Variants in BRINP3 observed in about 807,000 individuals in gnomAD.
The protein encoded by BRINP3 is BMP/retinoic acid inducible neural specific 3.
Under a neutral mutation model 71.0 loss-of-function variants are expected in BRINP3, and 19 were observed. The ratio of observed to expected loss-of-function variants is 0.27; its 90% confidence interval spans 0.19 to 0.39. The LOEUF (loss-of-function observed/expected upper bound fraction) is 0.39, where lower values mean the gene tolerates loss of function less well. Ranked by LOEUF, BRINP3 falls within the 10% of genes least tolerant of loss-of-function variation. The pLI, the probability that BRINP3 is intolerant of heterozygous loss-of-function variation, is 1.00. For synonymous variants in BRINP3, 380 were observed against 337.7 expected (o/e 1.13, Z -1.37); for missense variants, 959 against 940.8 (o/e 1.02, Z -0.25).
intron 2 of BRINP3, among the ~76,000 whole-genome samples, chr1:190,332,902 A>T (rs1467762345): frequency 6.6e-6 from 1 of 151,778 alleles, no homozygotes; most frequent in Non-Finnish European, 1.5e-5. Flanking sequence ...CCAGTGATTT[A>T]TTTCACTTTT....
chr1:190,319,143 T>C (rs1666074301), intron 2 of BRINP3, among the ~76,000 whole-genome samples: 1 of 152,162 alleles, frequency 6.6e-6, no homozygotes, highest in Admixed American at 6.6e-5. Context: ...TCCTTACATG[T>C]GCCTGACTCA....
intron 1 of BRINP3, among the ~76,000 whole-genome samples, chr1:190,474,186 A>G (rs1171048): frequency 0.37 from 56,459 of 152,070 alleles, 11,779 homozygotes; most frequent in Non-Finnish European, 0.47. Flanking sequence ...TTTTTGTAAC[A>G]TGGCTACACA....
At chr1:190,173,487 T>G (rs138190600) in intron 6 of BRINP3, among the ~76,000 whole-genome samples, 2 of 152,306 alleles carry the variant, frequency 1.3e-5, no homozygotes, top group Non-Finnish European at 2.9e-5. Flanking sequence ...CTTCATCTCC[T>G]CACGCCCTTG....
At chr1:190,168,259 C>T (rs1345561199) in intron 6 of BRINP3, among the ~76,000 whole-genome samples, 1 of 151,974 alleles carries the variant, frequency 6.6e-6, no homozygotes, top group Non-Finnish European at 1.5e-5. Context: ...CAACAAAGGC[C>T]TGGTTTGAGT....
chr1:190,441,098 G>A (rs1208909679), intron 2 of BRINP3, among the ~76,000 whole-genome samples: 1 of 151,662 alleles, frequency 6.6e-6, no homozygotes, highest in African/African-American at 2.4e-5. Context: ...GAATGTTATG[G>A]CAACATTTGA....
At chr1:190,220,207 AAAG>A (rs1656756316) in intron 6 of BRINP3, among the ~76,000 whole-genome samples, 1 of 152,132 alleles carries the variant, frequency 6.6e-6, no homozygotes, top group South Asian at 2.1e-4. Flanking sequence ...CAGCAAGAGA[AAAG>A]AAGCAAAAAG....
chr1:190,259,373 G>T (rs780550376), intron 4 of BRINP3, among the ~76,000 whole-genome samples: 4 of 151,058 alleles, frequency 2.6e-5, no homozygotes, highest in Non-Finnish European at 4.4e-5. Context: ...CATGTAAATA[G>T]AATTAAAAAA....
At chr1:190,127,596 C>T (rs1654194404) in intron 7 of BRINP3, among the ~76,000 whole-genome samples, 1 of 151,878 alleles carries the variant, frequency 6.6e-6, no homozygotes, top group African/African-American at 2.4e-5. Context: ...TAGCTAAGCT[C>T]ACACATCAAA....
intron 2 of BRINP3, among the ~76,000 whole-genome samples, chr1:190,293,352 T>C (rs894525028): frequency 1.3e-4 from 20 of 152,318 alleles, no homozygotes; most frequent in Non-Finnish European, 1.3e-4. Context: ...TGTTACTGAT[T>C]TCTAGTTTTA....
intron 7 of BRINP3, among the ~76,000 whole-genome samples, chr1:190,114,979 G>C (rs935663902): frequency 1.3e-5 from 2 of 151,916 alleles, no homozygotes; most frequent in African/African-American, 4.8e-5. Context: ...TAAAATATCT[G>C]GCCACTGTAG....
chr1:190,247,413 A>G (rs181368592), intron 4 of BRINP3, among the ~76,000 whole-genome samples: 12 of 152,174 alleles, frequency 7.9e-5, no homozygotes, highest in Admixed American at 7.2e-4. Flanking sequence ...CAGTATTCCT[A>G]GCTATCAGAA....
intron 7 of BRINP3, among the ~76,000 whole-genome samples, chr1:190,114,341 AT>A (rs760665157): frequency 2.0e-5 from 3 of 151,896 alleles, no homozygotes; most frequent in Non-Finnish European, 4.4e-5. Context: ...TTTTCTTTAT[AT>A]TTTACCCAGT....
intron 6 of BRINP3, among the ~76,000 whole-genome samples, chr1:190,169,671 G>A (rs1448048672): frequency 6.6e-6 from 1 of 152,048 alleles, no homozygotes; most frequent in African/African-American, 2.4e-5. Flanking sequence ...TGCTACTTGA[G>A]TGTTAAAACC....
At chr1:190,237,200 T>C (rs1012328405) in intron 4 of BRINP3, among the ~76,000 whole-genome samples, 4 of 151,966 alleles carry the variant, frequency 2.6e-5, no homozygotes, top group Admixed American at 1.3e-4. Flanking sequence ...ATATTTATAA[T>C]TTTATTTTGT....
chr1:190,296,865 A>T (rs1019298137), intron 2 of BRINP3, among the ~76,000 whole-genome samples: 2 of 152,102 alleles, frequency 1.3e-5, no homozygotes, highest in Non-Finnish European at 2.9e-5. Flanking sequence ...AAAAATTTGT[A>T]CACTGGAAAT....
intron 3 of BRINP3, among the ~76,000 whole-genome samples, chr1:190,278,891 A>T (rs1421837184): frequency 2.0e-5 from 3 of 151,612 alleles, no homozygotes; most frequent in Non-Finnish European, 4.4e-5. Flanking sequence ...ACAAAAACGA[A>T]TCTTAAGGCC....
intron 3 of BRINP3, among the ~76,000 whole-genome samples, chr1:190,277,660 T>C (rs1031817842): frequency 6.6e-6 from 1 of 151,782 alleles, no homozygotes; most frequent in African/African-American, 2.4e-5. Flanking sequence ...TTATATTTTG[T>C]ATTTTGTATT....
In BRINP3 at chr1:190,160,887, T is replaced by A. The variant is rs1484753796; in HGVS notation, c.965A>T (p.Glu322Val). The change falls in exon 7 of 8, where the codon GAA becomes GTA. Residue 322 changes from glutamate to valine, a missense_variant. Transcript: ENST00000367462. ...AYNSDFEESD[E>V]FKLFMKRLPM... ...TAGCCTTTTCATAAATAACTTGAAT[T>A]CATCTGAAAAATGTCAAAATTCAAC... 6.3e-7 allele frequency: 1 copy of A among 1,588,402 alleles called. No homozygotes were observed. The highest frequency in any genetic ancestry group is 8.6e-7 in the Non-Finnish European group (1 of 1,167,446).
intron 2 of BRINP3, among the ~76,000 whole-genome samples, chr1:190,390,677 G>C (rs142544408): frequency 6.6e-6 from 1 of 151,790 alleles, no homozygotes. Flanking sequence ...TGTTGTATTA[G>C]TATTAAGTTT....
Sources: allele counts gnomAD v4.1 joint callset (sites outside exome capture counted in the v4.1 genomes callset), GRCh38; gene constraint gnomAD v4.1.1; transcripts MANE v1.5; gene names NCBI Gene and HGNC (gene_info 2026-07-23, HGNC 2026-07-21).